Variants in PARN observed in about 807,000 individuals in gnomAD.
The protein encoded by PARN is poly(A)-specific ribonuclease.
PARN carries 71 observed loss-of-function variants against 102.8 expected under a neutral mutation model. The ratio of observed to expected loss-of-function variants is 0.69; its 90% CI spans 0.57 to 0.84. The LOEUF (loss-of-function observed/expected upper bound fraction) is 0.84. Among genes scored for constraint, PARN ranks in the 40% least tolerant of loss-of-function variants. The probability of loss-of-function intolerance (pLI) is 0.00; values close to 1 mark genes in which losing one functional copy is unlikely to be tolerated. For missense variants in PARN, 782 were observed against 760.9 expected, an observed-to-expected ratio of 1.03 and a Z score of -0.33; for synonymous variants, 261 against 252.9, an observed-to-expected ratio of 1.03 and a Z score of -0.30.
intron 13 of PARN, among the ~76,000 whole-genome samples, chr16:14,591,100 T>C (rs1403653270): frequency 1.3e-5 from 2 of 151,936 alleles, no homozygotes; most frequent in Non-Finnish European, 2.9e-5. Flanking sequence ...ATTAAAAAGA[T>C]ATGGGGAAGG....
At chr16:14,579,391 G>C (rs1969364333) in intron 18 of PARN, among the ~76,000 whole-genome samples, 1 of 152,180 alleles carries the variant, frequency 6.6e-6, no homozygotes, top group Non-Finnish European at 1.5e-5. Context: ...TTTATAAGGA[G>C]CTGACTTTAG....
At position 14,566,097 on chromosome 16, in the gene PARN, G is replaced by C. The variant is rs532452785; in HGVS notation, c.1263-10388C>G. On this transcript the variant is annotated intron_variant, in intron 18 of 23. Coordinates refer to ENST00000437198, the MANE Select transcript of PARN (RefSeq NM_002582.4). ...TGACTTTACTACTAACCTGCCTACA[G>C]TGGGCTGAATGGTGGCCTCCAAAAA... 2.3e-4 allele frequency among the ~76,000 whole-genome samples: 35 copies of C among 152,342 alleles called. No homozygotes were observed. The Middle Eastern group carries it at 0.01, about 44-fold the overall frequency.
chr16:14,444,882 C>T (rs1254003371), intron 23 of PARN, among the ~76,000 whole-genome samples: 3 of 151,998 alleles, frequency 2.0e-5, no homozygotes, highest in Non-Finnish European at 2.9e-5. Flanking sequence ...TGCACTGATG[C>T]GATCATAGCT....
chr16:14,442,684 C>T (rs750603873), intron 23 of PARN, among the ~76,000 whole-genome samples: 3 of 149,644 alleles, frequency 2.0e-5, no homozygotes, highest in Non-Finnish European at 3.0e-5. Flanking sequence ...GTGGCACCAT[C>T]TGGGCTCACT....
chr16:14,590,131 A>C (rs1341089772), intron 13 of PARN, among the ~76,000 whole-genome samples: 1 of 150,088 alleles, frequency 6.7e-6, no homozygotes, highest in Non-Finnish European at 1.5e-5. Context: ...GGCGCCTGTA[A>C]TCCCAGCTAC....
intron 21 of PARN, among the ~76,000 whole-genome samples, chr16:14,515,875 G>A (rs569148123): frequency 6.6e-6 from 1 of 152,204 alleles, no homozygotes; most frequent in East Asian, 1.9e-4. Context: ...AGGAGATTGA[G>A]GCTGCAGTGA....
intron 21 of PARN, among the ~76,000 whole-genome samples, chr16:14,547,973 G>A (rs773554279): frequency 1.3e-5 from 2 of 151,706 alleles, no homozygotes; most frequent in African/African-American, 2.4e-5. Flanking sequence ...GGCCGGGCGC[G>A]GTGGCTCATG....
At chr16:14,440,967 C>G (rs1960915494) in intron 23 of PARN, among the ~76,000 whole-genome samples, 1 of 152,138 alleles carries the variant, frequency 6.6e-6, no homozygotes, top group Admixed American at 6.5e-5. Context: ...CAAAGCTCAT[C>G]AAATTGTATA....
At chr16:14,443,027 A>C (rs1296350300) in intron 23 of PARN, among the ~76,000 whole-genome samples, 1 of 152,166 alleles carries the variant, frequency 6.6e-6, no homozygotes, top group Non-Finnish European at 1.5e-5. Context: ...AGCCTCCCAC[A>C]TGTCAGTTAG....
chr16:14,483,972 G>A (rs911419697), intron 21 of PARN, among the ~76,000 whole-genome samples: 1 of 152,172 alleles, frequency 6.6e-6, no homozygotes, highest in Non-Finnish European at 1.5e-5. Context: ...CCAGTGTGCA[G>A]TCTTTTATCC....
At chr16:14,456,382 C>G (rs780536853) in intron 22 of PARN, among the ~76,000 whole-genome samples, 8 of 151,958 alleles carry the variant, frequency 5.3e-5, no homozygotes, top group Non-Finnish European at 1.0e-4. Context: ...TATGTTGCCT[C>G]AGGCTGGTTT....
intron 18 of PARN, among the ~76,000 whole-genome samples, chr16:14,557,894 T>C (rs184222652): frequency 6.6e-6 from 1 of 152,312 alleles, no homozygotes; most frequent in African/African-American, 2.4e-5. Context: ...TATCATGTTT[T>C]CTTAAATATT....
At chr16:14,460,606 A>G (rs1369522014) in intron 22 of PARN, among the ~76,000 whole-genome samples, 2 of 152,248 alleles carry the variant, frequency 1.3e-5, no homozygotes, top group Non-Finnish European at 2.9e-5. Flanking sequence ...TCAAAACATT[A>G]TTAAGTCTCT....
intron 22 of PARN, among the ~76,000 whole-genome samples, chr16:14,472,857 C>T (rs1436827976): frequency 6.6e-6 from 1 of 152,196 alleles, no homozygotes; most frequent in African/African-American, 2.4e-5. Flanking sequence ...AATACACTTT[C>T]TTCTCAATGT....
chr16:14,597,569 C>T (rs1213300329), intron 12 of PARN, among the ~76,000 whole-genome samples: 2 of 152,038 alleles, frequency 1.3e-5, no homozygotes, highest in East Asian at 1.9e-4. Context: ...TGGTGGCAGG[C>T]GCCTGTAGTC....
chr16:14,528,740 T>A (rs1966150012), intron 21 of PARN, among the ~76,000 whole-genome samples: 1 of 152,204 alleles, frequency 6.6e-6, no homozygotes, highest in Non-Finnish European at 1.5e-5. Flanking sequence ...TTCTCCACTT[T>A]AACCTCTGGA....
chr16:14,629,611 T>C lies in PARN; in HGVS notation c.83A>G (p.Asp28Gly). The change falls in exon 2 of 24, where the codon GAT (aspartate) becomes GGT (glycine). Residue 28 changes from aspartate (D) to glycine (G), a missense_variant. By Grantham distance (94) the Asp-to-Gly change is moderately conservative (BLOSUM62 -1). Transcript: ENST00000437198. ...AIEEADFFAI[D>G]GEFSGISDGP... ...GGGAGGGATACCTGAAAACTCCCCA[T>C]CGATGGCGAAGAAGTCGGCCTCCTC... 6.2e-7 allele frequency: 1 copy of C among 1,612,830 alleles called. No individual in the cohort carries two copies. The highest frequency in any genetic ancestry group is 8.5e-7 in the Non-Finnish European group (1 of 1,178,778).
intron 8 of PARN, among the ~76,000 whole-genome samples, chr16:14,608,532 GA>G (rs1971331497): frequency 6.6e-6 from 1 of 152,164 alleles, no homozygotes; most frequent in Admixed American, 6.6e-5. Flanking sequence ...TGCTTTTACT[GA>G]AGAGGTAGAA....
intron 5 of PARN, among the ~76,000 whole-genome samples, chr16:14,618,969 G>A (rs1972110239): frequency 6.6e-6 from 1 of 151,924 alleles, no homozygotes; most frequent in African/African-American, 2.4e-5. Context: ...GCCAAATGAG[G>A]AAGATCGCTT....
Sources: allele counts gnomAD v4.1 joint callset (sites outside exome capture counted in the v4.1 genomes callset), GRCh38; gene constraint gnomAD v4.1.1; transcripts MANE v1.5; gene names NCBI Gene and HGNC (gene_info 2026-07-23, HGNC 2026-07-21).